STPG4: variants seen among roughly 807,000 people sequenced by gnomAD.
STPG4 encodes sperm-tail PG-rich repeat containing 4, also known as protein STPG4.
Under a neutral mutation model 31.5 loss-of-function variants are expected in STPG4, and 41 were observed. That is an observed-to-expected ratio of 1.30 (90% CI 1.01 to 1.69). STPG4 has a LOEUF of 1.69. Among genes scored for constraint, STPG4 ranks in the 40% most tolerant of loss-of-function variants. The probability of loss-of-function intolerance (pLI) is 0.00; values close to 1 mark genes in which losing one functional copy is unlikely to be tolerated. For missense variants in STPG4, 375 were observed against 293.4 expected (o/e 1.28, Z -2.03); for synonymous variants, 141 against 103.0 (o/e 1.37, Z -2.24).
intron 6 of STPG4, 123 bp downstream of exon 6, chr2:47,090,147 C>T (rs1685539311): frequency 1.5e-6 from 1 of 662,830 alleles, no homozygotes; most frequent in African/African-American, 1.8e-5. Flanking sequence ...CAGAACTGTA[C>T]ACACATGATC....
Position 47,152,991 on chromosome 2 carries a change from A to C in STPG4, c.107T>G (p.Phe36Cys). The C allele has an allele frequency of 6.2e-7, 1 of 1,612,316 alleles. No homozygotes were observed. Among genetic ancestry groups the C allele is most frequent in the Non-Finnish European group, 8.5e-7 (1 of 1,179,008 alleles). The change falls in exon 2 of 7, where the codon TTT (phenylalanine) becomes TGT (cysteine). Residue 36 changes from phenylalanine to cysteine, a missense_variant. Physicochemically the swap from Phe to Cys is radical, Grantham distance 205. Coordinates refer to ENST00000445927, the MANE Select transcript of STPG4 (RefSeq NM_001163561.2). ...TATTCTCCACCATCCTTCTCTTTCA[A>C]AAGAGGAAGTCTTTTGGGCTGGTTT... ...ASKPAQKTSS[F>C]EREGWWRIAL...
chr2:47,129,711 A>C (rs995065395), intron 5 of STPG4: 2 of 485,434 alleles, frequency 4.1e-6, no homozygotes, highest in Non-Finnish European at 7.2e-6. Context: ...TACCCTCTTC[A>C]GTGCCTCTTT....
intron 5 of STPG4, among the ~76,000 whole-genome samples, chr2:47,122,273 C>G (rs1181175150): frequency 6.6e-6 from 1 of 151,972 alleles, no homozygotes; most frequent in Non-Finnish European, 1.5e-5. Context: ...AATACTTTTC[C>G]TAGTCTACAT....
intron 5 of STPG4, among the ~76,000 whole-genome samples, chr2:47,107,570 T>C (rs1426770260): frequency 1.3e-5 from 2 of 152,102 alleles, no homozygotes; most frequent in African/African-American, 4.8e-5. Flanking sequence ...CCACCCCCTG[T>C]ATGGGCTCCT....
At chr2:47,136,795 T>C (rs1483540003) in intron 3 of STPG4, among the ~76,000 whole-genome samples, 1 of 152,238 alleles carries the variant, frequency 6.6e-6, no homozygotes, top group African/African-American at 2.4e-5. Flanking sequence ...ATTGCTGGTA[T>C]ATATACCAGT....
intron 3 of STPG4, among the ~76,000 whole-genome samples, chr2:47,139,001 T>C (rs1686653479): frequency 6.6e-6 from 1 of 152,200 alleles, no homozygotes; most frequent in Non-Finnish European, 1.5e-5. Flanking sequence ...AGGTATGTTT[T>C]ATGGCTCAGA....
At chr2:47,099,636 TGAG>T (rs1038647300) in intron 5 of STPG4, among the ~76,000 whole-genome samples, 5 of 152,236 alleles carry the variant, frequency 3.3e-5, no homozygotes, top group African/African-American at 7.2e-5. Context: ...TGGCGGCACT[TGAG>T]GAGCCCTTCA....
intron 5 of STPG4, among the ~76,000 whole-genome samples, chr2:47,103,284 A>C (rs1338826003): frequency 1.3e-5 from 2 of 151,946 alleles, no homozygotes; most frequent in Non-Finnish European, 2.9e-5. Context: ...CAGCTACGAG[A>C]GGCCTTAAGA....
intron 5 of STPG4, among the ~76,000 whole-genome samples, chr2:47,106,454 C>T (rs1685913182): frequency 6.6e-6 from 1 of 151,942 alleles, no homozygotes; most frequent in Non-Finnish European, 1.5e-5. Flanking sequence ...TTATCAACTT[C>T]ATTATCCTAC....
At chr2:47,114,922 C>G (rs1573168850) in intron 5 of STPG4, among the ~76,000 whole-genome samples, 1 of 152,262 alleles carries the variant, frequency 6.6e-6, no homozygotes, top group South Asian at 2.1e-4. Context: ...CATGCTCCAC[C>G]ATGCCCAGCT....
chr2:47,093,931 C>T (rs1685622285), intron 5 of STPG4, among the ~76,000 whole-genome samples: 1 of 152,200 alleles, frequency 6.6e-6, no homozygotes, highest in Non-Finnish European at 1.5e-5. Context: ...TAGCAGAGTC[C>T]CCACTGCTGC....
chr2:47,104,975 G>T (rs567147178), intron 5 of STPG4, among the ~76,000 whole-genome samples: 1 of 151,970 alleles, frequency 6.6e-6, no homozygotes, highest in East Asian at 1.9e-4. Context: ...ACCAGCTTTT[G>T]CCAACTATGG....
At chr2:47,099,053 C>A (rs72808561) in intron 5 of STPG4, among the ~76,000 whole-genome samples, 13,619 of 152,170 alleles carry the variant, frequency 0.089, 829 homozygotes, top group Non-Finnish European at 0.12. Context: ...TTTATTTCTG[C>A]AAAGAGAGAA....
chr2:47,110,517 C>G (rs1686013759), intron 5 of STPG4, among the ~76,000 whole-genome samples: 1 of 152,152 alleles, frequency 6.6e-6, no homozygotes, highest in Non-Finnish European at 1.5e-5. Flanking sequence ...TTGCTTGAAC[C>G]CAGAATGCAA....
chr2:47,136,594 T>A (rs1421413647), intron 3 of STPG4, among the ~76,000 whole-genome samples: 1 of 152,240 alleles, frequency 6.6e-6, no homozygotes, highest in Non-Finnish European at 1.5e-5. Flanking sequence ...ACCTTACCAG[T>A]AATATTTTAT....
chr2:47,131,644 G>C (rs1459604924), intron 3 of STPG4, among the ~76,000 whole-genome samples: 1 of 152,168 alleles, frequency 6.6e-6, no homozygotes, highest in African/African-American at 2.4e-5. Context: ...GGTAGGAAGA[G>C]ATTAAATCCA....
At chr2:47,134,833 G>C (rs1220555607) in intron 3 of STPG4, among the ~76,000 whole-genome samples, 1 of 152,210 alleles carries the variant, frequency 6.6e-6, no homozygotes, top group Non-Finnish European at 1.5e-5. Context: ...CAATGAATGA[G>C]AGTTCCTGTT....
intron 3 of STPG4, among the ~76,000 whole-genome samples, chr2:47,133,061 T>C (rs1686519842): frequency 1.3e-5 from 2 of 152,250 alleles, no homozygotes; most frequent in Admixed American, 6.5e-5. Flanking sequence ...AGCTGCTTTA[T>C]GTAGGAGACT....
intron 3 of STPG4, 112 bp from the exon 4 acceptor site, chr2:47,130,372 T>C: frequency 1.2e-6 from 1 of 835,888 alleles, no homozygotes; most frequent in East Asian, 2.6e-5. Context: ...GATAATTCCT[T>C]CTTTACTTTA....
Sources: gnomAD v4.1 joint callset for allele counts (sites outside exome capture counted in the v4.1 genomes callset) on GRCh38, gnomAD v4.1.1 for gene constraint, MANE v1.5 for transcripts, NCBI Gene and HGNC (gene_info 2026-07-23, HGNC 2026-07-21) for gene names.